Variants in ABHD2 observed in about 807,000 individuals in gnomAD.
The protein encoded by ABHD2 is monoacylglycerol lipase ABHD2.
Under a neutral mutation model 48.1 loss-of-function variants are expected in ABHD2, and 20 were observed. The ratio of observed to expected loss-of-function variants is 0.42; its 90% confidence interval spans 0.29 to 0.60. The LOEUF is 0.60. Among genes scored for constraint, ABHD2 ranks in the 20% least tolerant of loss-of-function variants. ABHD2 has a pLI of 0.24. For synonymous variants in ABHD2, 209 were observed against 214.2 expected, an observed-to-expected ratio of 0.98 and a Z score of 0.21; for missense variants, 405 against 550.9, an observed-to-expected ratio of 0.74 and a Z score of 2.65.
intron 3 of ABHD2, among the ~76,000 whole-genome samples, chr15:89,123,027 G>A (rs1234502055): frequency 6.6e-6 from 1 of 152,216 alleles, no homozygotes; most frequent in Admixed American, 6.5e-5. Context: ...AGATGCAAAG[G>A]TAATCGCTTT....
At chr15:89,125,930 C>G (rs1489495606) in intron 3 of ABHD2, among the ~76,000 whole-genome samples, 2 of 152,110 alleles carry the variant, frequency 1.3e-5, no homozygotes, top group Non-Finnish European at 2.9e-5. Context: ...ATTGCCGAAG[C>G]CTGAAAGATC....
chr15:89,066,544 T>C, the ABHD2 span, among the ~76,000 whole-genome samples: 5 of 152,172 alleles, frequency 3.3e-5, no homozygotes, highest in African/African-American at 7.2e-5. Context: ...GGTTAGGACT[T>C]GAACATATAT....
chr15:89,175,394 G>C lies in ABHD2; in HGVS notation c.539-418G>C, dbSNP rs1194031043. 6.6e-6 allele frequency among the ~76,000 whole-genome samples: 1 copy of C among 152,056 alleles called. No homozygotes were observed. Among genetic ancestry groups the C allele is most frequent in the Non-Finnish European group, 1.5e-5 (1 of 68,002 alleles). ...GACACACCTGTAGTGTGTAGAGGTG[G>C]GGTCTCACCATTTTGTCCAGGCTGG... is the stretch of plus-strand genomic sequence containing the variant. On this transcript the variant is annotated intron_variant, in intron 5 of 10. Coordinates refer to ENST00000352732, the MANE Select transcript of ABHD2 (RefSeq NM_152924.5). The surrounding 1 kb of genome is among the most constrained non-coding windows in gnomAD (Gnocchi z 5.7).
At chr15:89,052,540 CAGACAGACAGACAG>C in the ABHD2 span, among the ~76,000 whole-genome samples, 1 of 125,266 alleles carries the variant, frequency 8.0e-6, no homozygotes, top group African/African-American at 3.3e-5. Flanking sequence ...GACAGACAGA[CAGACAGACAGACAG>C]ACAGACACAC....
Position 89,094,888 on chromosome 15 carries a change from C to A in ABHD2, c.-107+6325C>A, listed in dbSNP as rs2150774606. On this transcript the variant is annotated intron_variant, in intron 1 of 10. Transcript: ENST00000352732. The surrounding 1 kb of genome is among the most constrained non-coding windows in gnomAD (Gnocchi z 4.7). ...GACCAGCCTGGCCAACATGATGAAA[C>A]CCCATATCCACTAAAAATACAAAAT... Among the ~76,000 whole-genome samples the A allele has an allele frequency of 6.6e-6, 1 of 151,862 alleles. No individual in the cohort carries two copies. Among genetic ancestry groups the A allele is most frequent in the African/African-American group, 2.4e-5 (1 of 41,426 alleles).
At chr15:89,181,499 A>C (rs2051114196) in intron 6 of ABHD2, among the ~76,000 whole-genome samples, 1 of 152,138 alleles carries the variant, frequency 6.6e-6, no homozygotes, top group South Asian at 2.1e-4. Flanking sequence ...ATCTTAATTC[A>C]TACTGCCCTT....
intron 1 of ABHD2, among the ~76,000 whole-genome samples, chr15:89,110,383 A>G (rs1392796757): frequency 6.6e-6 from 1 of 151,918 alleles, no homozygotes; most frequent in African/African-American, 2.4e-5. Flanking sequence ...TTTTTCAAAA[A>G]TTTTCATCTG....
Position 89,116,494 on chromosome 15 carries a change from T to C in ABHD2, c.167T>C (p.Leu56Pro). 1 of 1,614,092 alleles carries C rather than the reference T, an allele frequency of 6.2e-7. No homozygotes were observed. The highest frequency in any genetic ancestry group is 8.5e-7 in the Non-Finnish European group (1 of 1,179,958). Reference protein sequence around the residue: ...FQDSGLSRFLLKSCPLLTKEY... With the variant: ...FQDSGLSRFLPKSCPLLTKEY... ...GACTCGGGGCTCTCACGCTTTCTGC[T>C]CAAGTCCTGTCCTCTTCTGACCAAA... The change falls in exon 3 of 11, where the codon CTC becomes CCC. Residue 56 changes from leucine to proline, a missense_variant. Physicochemically the swap from Leu to Pro is moderately conservative, Grantham distance 98. Transcript: ENST00000352732. The surrounding 1 kb of genome is among the most constrained non-coding windows in gnomAD (Gnocchi z 4.6).
rs1023272572 is a variant in ABHD2, at chr15:89,155,196, C to A, written c.371-171C>A. Among the ~76,000 whole-genome samples the A allele has an allele frequency of 2.0e-5, 3 of 152,178 alleles. No individual in the cohort carries two copies. On this transcript the variant is annotated intron_variant, in intron 4 of 10. Transcript: ENST00000352732. The surrounding 1 kb of genome is among the most constrained non-coding windows in gnomAD (Gnocchi z 4.9). ...CCTTCACTATAAATAGCTTGAGAAGCACTGATATAGACAGCTCCAGCTAGA... is the reference window on the plus strand; with the variant it reads ...CCTTCACTATAAATAGCTTGAGAAGAACTGATATAGACAGCTCCAGCTAGA...
Position 89,174,637 on chromosome 15 carries a change from T to A in ABHD2, c.539-1175T>A, listed in dbSNP as rs1403055448. ...AAGAATGCCAAAACCTCTGAGCTGG[T>A]GCCAAAGTCAACAACTCCCGTTTCC... On this transcript the variant is annotated intron_variant, in intron 5 of 10. Transcript: ENST00000352732. The surrounding 1 kb of genome is among the most constrained non-coding windows in gnomAD (Gnocchi z 4.1). Among the ~76,000 whole-genome samples the A allele has an allele frequency of 4.6e-5, 7 of 152,246 alleles. No individual in the cohort carries two copies. The highest frequency in any genetic ancestry group is 1.7e-4 in the African/African-American group (7 of 41,474).
chr15:89,182,554 C>T lies in ABHD2; in HGVS notation c.723-2870C>T, dbSNP rs1445969349. ...TAATTCCAACACTTTGGAAGGAGGC[C>T]GAGACCTAGAGATCACTTGAGGTCA... On this transcript the variant is annotated intron_variant, in intron 6 of 10. Transcript: ENST00000352732. The surrounding 1 kb of genome is among the most constrained non-coding windows in gnomAD (Gnocchi z 4.8). 6.6e-6 allele frequency among the ~76,000 whole-genome samples: 1 copy of T among 152,054 alleles called. No individual in the cohort carries two copies. The highest frequency in any genetic ancestry group is 2.4e-5 in the African/African-American group (1 of 41,394).
At chr15:89,048,863 G>C in the ABHD2 span, among the ~76,000 whole-genome samples, 1 of 149,346 alleles carries the variant, frequency 6.7e-6, no homozygotes, top group Non-Finnish European at 1.5e-5. Flanking sequence ...GTAGCTCGGA[G>C]TAATTTGATC....
intron 5 of ABHD2, among the ~76,000 whole-genome samples, chr15:89,158,965 G>T (rs1035050386): frequency 1.3e-5 from 2 of 151,894 alleles, no homozygotes; most frequent in African/African-American, 2.4e-5. Flanking sequence ...TGCCAGCCAG[G>T]TTTATTCTTA....
intron 3 of ABHD2, among the ~76,000 whole-genome samples, chr15:89,148,045 G>C (rs1304796035): frequency 6.6e-6 from 1 of 150,740 alleles, no homozygotes; most frequent in African/African-American, 2.4e-5. Flanking sequence ...GTTGGACCCG[G>C]GAGGCAGAGG....
At chr15:89,133,891 C>G (rs915038906) in intron 3 of ABHD2, among the ~76,000 whole-genome samples, 1 of 142,184 alleles carries the variant, frequency 7.0e-6, no homozygotes, top group Admixed American at 7.7e-5. Context: ...GGCTAGAGTG[C>G]AGTGGCGTGA....
chr15:89,174,162 AG>A lies in ABHD2; in HGVS notation c.539-1647del, dbSNP rs1033004951. ...TACCCCATTAAAAATAAAAAAGAAT[AG>A]GGCAGTTTCAAGTGTATTGATGCAT... On this transcript the variant is annotated intron_variant, in intron 5 of 10. Coordinates refer to ENST00000352732, the MANE Select transcript of ABHD2 (RefSeq NM_152924.5). This position sits in a 1 kb window ranked among gnomAD's most constrained non-coding sequence, Gnocchi z 4.1. 6.6e-6 allele frequency among the ~76,000 whole-genome samples: 1 copy of A among 152,164 alleles called. No homozygotes were observed. The highest frequency in any genetic ancestry group is 2.4e-5 in the African/African-American group (1 of 41,438).
intron 3 of ABHD2, among the ~76,000 whole-genome samples, chr15:89,135,189 A>C (rs2050286936): frequency 7.4e-6 from 1 of 134,946 alleles, no homozygotes; most frequent in Non-Finnish European, 1.5e-5. Context: ...TTCACTTAAC[A>C]ACAGTCATTT....
intron 3 of ABHD2, among the ~76,000 whole-genome samples, chr15:89,131,464 C>A (rs2050218558): frequency 6.6e-6 from 1 of 152,090 alleles, no homozygotes; most frequent in Non-Finnish European, 1.5e-5. Flanking sequence ...TAGGACCCAG[C>A]AGAGAGGTGA....
the ABHD2 span, among the ~76,000 whole-genome samples, chr15:89,074,397 T>A: frequency 2.0e-5 from 3 of 150,670 alleles, no homozygotes; most frequent in African/African-American, 7.3e-5. Context: ...AAGAGTCACC[T>A]GAAGATCTTA....
Sources: gnomAD v4.1 joint callset for allele counts (sites outside exome capture counted in the v4.1 genomes callset) on GRCh38, gnomAD v4.1.1 for gene constraint, Gnocchi (gnomAD v3.1) non-coding constraint, MANE v1.5 for transcripts, NCBI Gene and HGNC (gene_info 2026-07-23, HGNC 2026-07-21) for gene names.